Variants in BICD1 observed in about 807,000 individuals in gnomAD.
BICD1 encodes BICD cargo adaptor 1, also known as protein bicaudal D homolog 1.
Under a neutral mutation model 92.5 loss-of-function variants are expected in BICD1, and 35 were observed. The ratio of observed to expected loss-of-function variants is 0.38; its 90% CI spans 0.29 to 0.50. BICD1 has a LOEUF of 0.50. Ranked by LOEUF, BICD1 falls within the 20% of genes least tolerant of loss-of-function variation. The pLI, the probability that BICD1 is intolerant of heterozygous loss-of-function variation, is 0.93. For missense variants in BICD1, 950 were observed against 1,189.8 expected (o/e 0.80, Z 2.97); for synonymous variants, 429 against 465.1 (o/e 0.92, Z 1.00).
intron 2 of BICD1, among the ~76,000 whole-genome samples, chr12:32,225,048 G>A (rs1354878073): frequency 6.6e-6 from 1 of 152,082 alleles, no homozygotes; most frequent in East Asian, 1.9e-4. Flanking sequence ...ACTATCAGGA[G>A]GTAGACCAGT....
At chr12:32,226,904 C>G (rs1453449916) in intron 2 of BICD1, among the ~76,000 whole-genome samples, 1 of 152,186 alleles carries the variant, frequency 6.6e-6, no homozygotes, top group Non-Finnish European at 1.5e-5. Context: ...TGGAGCCTGG[C>G]GGGGAAGGGA....
intron 1 of BICD1, among the ~76,000 whole-genome samples, chr12:32,146,442 G>A (rs1394849216): frequency 6.6e-6 from 1 of 152,200 alleles, no homozygotes; most frequent in Non-Finnish European, 1.5e-5. Context: ...CTGGTAGGCA[G>A]GTGGAAATAT....
chr12:32,338,050 A>G (rs1938209842), intron 7 of BICD1: 1 of 467,130 alleles, frequency 2.1e-6, no homozygotes. Flanking sequence ...ATTAATCGTA[A>G]TATAATTTTC....
At chr12:32,114,909 G>C (rs1172089915) in intron 1 of BICD1, among the ~76,000 whole-genome samples, 2 of 152,170 alleles carry the variant, frequency 1.3e-5, no homozygotes, top group African/African-American at 4.8e-5. Flanking sequence ...GGTTATGGGG[G>C]CTGGGAGCAA....
intron 2 of BICD1, among the ~76,000 whole-genome samples, chr12:32,237,468 C>T (rs896680258): frequency 4.6e-5 from 7 of 152,338 alleles, no homozygotes; most frequent in African/African-American, 1.7e-4. Flanking sequence ...AAGATGCCTT[C>T]AGGCTAGGAC....
rs868852944 is a variant in BICD1, at chr12:32,107,607, A to T, written c.213+63A>T. The T allele has an allele frequency of 1.3e-5, 20 of 1,487,896 alleles. No individual in the cohort carries two copies. The Middle Eastern group carries it at 3.1e-3, about 227-fold the overall frequency. The allele number at this position is 1,487,896 out of a possible 1,614,324, so 92.2% of individuals were successfully genotyped here. A position where few individuals can be genotyped will look rare whatever the true frequency, so the allele number is the denominator to read the frequency against. On this transcript the variant is annotated intron_variant, in intron 1 of 9. Transcript: ENST00000652176. Reference sequence around the variant, plus strand: ...CTCCCCCCACCCGCAAGGCCCACTCATCATGATCAAGAAGTCATAAAGGAG... The same window carrying T: ...CTCCCCCCACCCGCAAGGCCCACTCTTCATGATCAAGAAGTCATAAAGGAG...
chr12:32,381,310 C>T lies in BICD1; in HGVS notation c.*3683C>T, dbSNP rs766473006. ...TCAGAGTCTAAAAAAACAATGTCCT[C>T]AGGAATACTTCAGAAATAGAAGGTA... On this transcript the variant is annotated 3_prime_UTR_variant, in exon 10 of 10. Coordinates refer to ENST00000652176, the MANE Select transcript of BICD1 (RefSeq NM_001714.4). 1 of 152,050 alleles carries T rather than the reference C, an allele frequency of 6.6e-6. No individual in the cohort carries two copies. The highest frequency in any genetic ancestry group is 6.6e-5 in the Admixed American group (1 of 15,260). 9.4% of individuals were successfully genotyped at this position (152,050 alleles called of 1,614,324 possible). A position where few individuals can be genotyped will look rare whatever the true frequency, so the allele number is the denominator to read the frequency against.
chr12:32,205,904 A>C (rs978859525), intron 1 of BICD1, among the ~76,000 whole-genome samples: 3 of 151,628 alleles, frequency 2.0e-5, no homozygotes, highest in Admixed American at 6.6e-5. Context: ...GCCTGTTGTC[A>C]CTATAGATTA....
intron 9 of BICD1, among the ~76,000 whole-genome samples, chr12:32,376,881 G>A (rs900008341): frequency 2.1e-5 from 3 of 144,218 alleles, no homozygotes; most frequent in African/African-American, 5.0e-5. Context: ...AAAAAAGGGG[G>A]GGGGGGGTGA....
intron 2 of BICD1, among the ~76,000 whole-genome samples, chr12:32,289,625 C>T (rs192048272): frequency 4.7e-4 from 72 of 152,260 alleles, no homozygotes; most frequent in African/African-American, 8.4e-4. Context: ...ACTTGTGATC[C>T]GCCCACCTTG....
At chr12:32,261,087 A>G (rs1946845663) in intron 2 of BICD1, among the ~76,000 whole-genome samples, 1 of 152,222 alleles carries the variant, frequency 6.6e-6, no homozygotes, top group Non-Finnish European at 1.5e-5. Flanking sequence ...GAGTTCTCAG[A>G]TGATGAGGAT....
intron 4 of BICD1, among the ~76,000 whole-genome samples, chr12:32,325,954 G>A (rs1948767051): frequency 6.6e-6 from 1 of 151,684 alleles, no homozygotes; most frequent in African/African-American, 2.4e-5. Context: ...GTGGTCGTGG[G>A]CGCCTGTAGT....
chr12:32,182,885 T>C (rs1050545903), intron 1 of BICD1, among the ~76,000 whole-genome samples: 10 of 124,410 alleles, frequency 8.0e-5, no homozygotes, highest in Non-Finnish European at 1.5e-4. Context: ...TTCTTTTCTT[T>C]CTTTCTTTTT....
At chr12:32,339,601 A>C in intron 8 of BICD1, 1 of 985,126 alleles carries the variant, frequency 1.0e-6, no homozygotes, top group Non-Finnish European at 1.2e-6. Flanking sequence ...CCTTCCTTTC[A>C]TTCTTTTTAC....
At position 32,305,755 on chromosome 12, in the gene BICD1, T is replaced by G; in HGVS notation, c.638T>G (p.Leu213Arg). 6.2e-7 allele frequency: 1 copy of G among 1,614,142 alleles called. No homozygotes were observed. Among genetic ancestry groups the G allele is most frequent in the Non-Finnish European group, 8.5e-7 (1 of 1,180,028 alleles). Residue 213 changes from leucine to arginine, a missense_variant, in exon 4 of 10, where the codon CTG (leucine) becomes CGG (arginine). Physicochemically the swap from Leu to Arg is moderately radical, Grantham distance 102 (BLOSUM62 -2). This residue lies in a region of BICD1 where 246 missense variants were observed against 258.4 expected (regional missense o/e 0.95). Transcript: ENST00000652176. The stretch of plus-strand genomic sequence containing the variant: ...CGATTTGAGGAGGAGACGGTACTGC[T>G]GAACAGCCAGCTGGAAGATGCCATC... ...IKRFEEETVL[L>R]NSQLEDAIRL...
At chr12:32,228,970 C>T (rs1422572608) in intron 2 of BICD1, among the ~76,000 whole-genome samples, 2 of 152,032 alleles carry the variant, frequency 1.3e-5, no homozygotes, top group Non-Finnish European at 1.5e-5. Context: ...TGGATCCTGG[C>T]GGGGCACCTG....
chr12:32,326,649 C>T (rs1243337034), intron 4 of BICD1, among the ~76,000 whole-genome samples: 2 of 152,144 alleles, frequency 1.3e-5, no homozygotes, highest in African/African-American at 2.4e-5. Context: ...CTTTGGGAGG[C>T]AGAGGCAGGG....
At chr12:32,116,440 C>CTG (rs1255598776) in intron 1 of BICD1, among the ~76,000 whole-genome samples, 1 of 127,782 alleles carries the variant, frequency 7.8e-6, no homozygotes, top group African/African-American at 2.8e-5. Context: ...GTCTCTGTCT[C>CTG]TGTCTGTCTG....
Position 32,155,720 on chromosome 12 carries a change from G to C in BICD1, c.213+48176G>C, listed in dbSNP as rs191588830. Among the ~76,000 whole-genome samples, 330 of 152,270 alleles carry C rather than the reference G, an allele frequency of 2.2e-3. 1 individual carries two copies. The highest frequency in any genetic ancestry group is 4.6e-3 in the Admixed American group (71 of 15,298). ...AAGAAAATGCTTTCAGATTTCAGTT[G>C]CATTAAAACATAAAAAAAATTGGGA... On this transcript the variant is annotated intron_variant, in intron 1 of 9. Transcript: ENST00000652176.
Sources: allele counts gnomAD v4.1 joint callset (sites outside exome capture counted in the v4.1 genomes callset), GRCh38; gene constraint gnomAD v4.1.1; regional missense constraint gnomAD v4.1.1; transcripts MANE v1.5; gene names NCBI Gene and HGNC (gene_info 2026-07-23, HGNC 2026-07-21).